CNTN5: variants seen among roughly 807,000 people sequenced by gnomAD.
CNTN5 encodes contactin-5.
Under a neutral mutation model 129.1 loss-of-function variants are expected in CNTN5, and 77 were observed. That is an observed-to-expected ratio of 0.60 (90% CI 0.50 to 0.72). CNTN5 has a LOEUF of 0.72. CNTN5 is among the 30% of genes least tolerant of loss of function. The pLI is 0.00. For missense variants in CNTN5, 1,478 were observed against 1,328.8 expected, an observed-to-expected ratio of 1.11 and a Z score of -1.75; for synonymous variants, 509 against 465.6, an observed-to-expected ratio of 1.09 and a Z score of -1.20.
chr11:99,842,923 C>T (rs1041276284), intron 4 of CNTN5, among the ~76,000 whole-genome samples: 1 of 151,976 alleles, frequency 6.6e-6, no homozygotes, highest in Non-Finnish European at 1.5e-5. Context: ...TAGTATTTTG[C>T]TCGTAGCTCA....
intron 7 of CNTN5, among the ~76,000 whole-genome samples, chr11:99,935,850 C>T (rs867883999): frequency 1.3e-5 from 2 of 152,080 alleles, no homozygotes; most frequent in African/African-American, 2.4e-5. Context: ...TGCCAGACTA[C>T]TAGTTAGTCT....
chr11:99,257,570 T>C (rs2135812691), intron 1 of CNTN5, among the ~76,000 whole-genome samples: 1 of 152,208 alleles, frequency 6.6e-6, no homozygotes, highest in Non-Finnish European at 1.5e-5. Flanking sequence ...AAAGGTGTAA[T>C]TTTTTATTCA....
intron 13 of CNTN5, among the ~76,000 whole-genome samples, chr11:100,077,594 G>A (rs977741765): frequency 2.0e-5 from 3 of 152,044 alleles, no homozygotes; most frequent in African/African-American, 7.2e-5. Context: ...GCCAAGATGC[G>A]AGGATCACTT....
chr11:99,264,448 C>T (rs1862791974), intron 1 of CNTN5, among the ~76,000 whole-genome samples: 1 of 151,856 alleles, frequency 6.6e-6, no homozygotes, highest in Non-Finnish European at 1.5e-5. Context: ...TCTTACCATC[C>T]TCGGATTGTG....
At chr11:99,118,261 T>G (rs1858134534) in intron 1 of CNTN5, among the ~76,000 whole-genome samples, 1 of 152,244 alleles carries the variant, frequency 6.6e-6, no homozygotes, top group East Asian at 1.9e-4. Flanking sequence ...TCTTTTCCAT[T>G]TTGACATTAT....
intron 3 of CNTN5, among the ~76,000 whole-genome samples, chr11:99,560,012 A>G (rs1355589258): frequency 6.6e-6 from 1 of 152,158 alleles, no homozygotes; most frequent in Non-Finnish European, 1.5e-5. Context: ...AAAGCTGTGG[A>G]GACTATAAAC....
chr11:99,958,374 C>G (rs981752943), intron 8 of CNTN5, among the ~76,000 whole-genome samples: 1 of 152,164 alleles, frequency 6.6e-6, no homozygotes, highest in African/African-American at 2.4e-5. Flanking sequence ...TAGCAGAGTT[C>G]ATTGAATGGG....
intron 9 of CNTN5, among the ~76,000 whole-genome samples, chr11:100,007,330 C>T (rs1346584792): frequency 1.3e-5 from 2 of 152,052 alleles, no homozygotes; most frequent in East Asian, 3.9e-4. Flanking sequence ...GTTTTGAAAC[C>T]AGACACTGAC....
intron 2 of CNTN5, among the ~76,000 whole-genome samples, chr11:99,380,010 T>G (rs2136155582): frequency 6.6e-6 from 1 of 152,120 alleles, no homozygotes; most frequent in South Asian, 2.1e-4. Flanking sequence ...GTGAATATAG[T>G]TATGTGTCCC....
chr11:99,720,106 A>G (rs887569916), intron 3 of CNTN5, among the ~76,000 whole-genome samples: 2 of 152,156 alleles, frequency 1.3e-5, no homozygotes, highest in African/African-American at 4.8e-5. Context: ...AGATGTACAA[A>G]GAAGATCTGG....
chr11:99,864,772 G>A (rs1591331745), intron 6 of CNTN5, among the ~76,000 whole-genome samples: 1 of 152,124 alleles, frequency 6.6e-6, no homozygotes, highest in Admixed American at 6.5e-5. Flanking sequence ...TTAGCAAACC[G>A]ATGGAAAAAG....
At chr11:99,395,928 C>A (rs950828342) in intron 2 of CNTN5, among the ~76,000 whole-genome samples, 4 of 151,862 alleles carry the variant, frequency 2.6e-5, no homozygotes, top group Non-Finnish European at 5.9e-5. Flanking sequence ...CAGTACCATG[C>A]TGTTTTGGTT....
chr11:99,495,947 A>C (rs1946208608), intron 2 of CNTN5, among the ~76,000 whole-genome samples: 1 of 152,180 alleles, frequency 6.6e-6, no homozygotes, highest in Non-Finnish European at 1.5e-5. Flanking sequence ...GGATGAATGC[A>C]CCACTTACTG....
chr11:100,265,982 AACTC>A (rs1352665449), intron 17 of CNTN5, among the ~76,000 whole-genome samples: 1 of 152,172 alleles, frequency 6.6e-6, no homozygotes, highest in East Asian at 1.9e-4. Context: ...TTGTTTACTT[AACTC>A]AGATATGCTT....
At chr11:100,147,773 C>T (rs1217359213) in intron 13 of CNTN5, among the ~76,000 whole-genome samples, 2 of 151,834 alleles carry the variant, frequency 1.3e-5, no homozygotes, top group African/African-American at 4.8e-5. Context: ...TTTCGAGGTT[C>T]TGCCATTCTC....
At chr11:100,055,592 G>A (rs936754109) in intron 9 of CNTN5, among the ~76,000 whole-genome samples, 2 of 151,180 alleles carry the variant, frequency 1.3e-5, no homozygotes, top group Admixed American at 6.6e-5. Flanking sequence ...TCTCTTTTCC[G>A]CTATATTGAA....
chr11:99,281,704 C>T (rs1434711279), intron 1 of CNTN5, among the ~76,000 whole-genome samples: 1 of 151,972 alleles, frequency 6.6e-6, no homozygotes. Flanking sequence ...AATATATAAT[C>T]ATATTTTATT....
intron 8 of CNTN5, among the ~76,000 whole-genome samples, chr11:99,997,996 G>C (rs1001572461): frequency 6.6e-6 from 1 of 152,088 alleles, no homozygotes; most frequent in Non-Finnish European, 1.5e-5. Context: ...GGATTGATGG[G>C]ACGTATCTCA....
intron 3 of CNTN5, among the ~76,000 whole-genome samples, chr11:99,769,709 G>A (rs537526519): frequency 1.3e-5 from 2 of 151,966 alleles, no homozygotes; most frequent in Non-Finnish European, 2.9e-5. Flanking sequence ...AGCTACTTCG[G>A]AGGCTGAGGT....
Sources: allele counts gnomAD v4.1 joint callset (sites outside exome capture counted in the v4.1 genomes callset), GRCh38; gene constraint gnomAD v4.1.1; transcripts MANE v1.5; gene names NCBI Gene and HGNC (gene_info 2026-07-23, HGNC 2026-07-21).